The following BIRC6 variants were observed in gnomAD, a reference collection of about 807,000 sequenced individuals.
The protein encoded by BIRC6 is baculoviral IAP repeat containing 6, also known as dual E2 ubiquitin-conjugating enzyme/E3 ubiquitin-protein ligase BIRC6.
In BIRC6, 98 loss-of-function variants were observed where a neutral mutation model predicts 503.3. The observed-to-expected ratio is 0.19, with a 90% CI of 0.17 to 0.23. The LOEUF (loss-of-function observed/expected upper bound fraction) is 0.23. Among genes scored for constraint, BIRC6 ranks in the 10% least tolerant of loss-of-function variants. The pLI is 1.00. For missense variants in BIRC6, 5,360 were observed against 5,806.0 expected, an observed-to-expected ratio of 0.92 and a Z score of 2.50; for synonymous variants, 2,240 against 2,078.7, an observed-to-expected ratio of 1.08 and a Z score of -2.11.
intron 57 of BIRC6, 106 bp downstream of exon 57, chr2:32,519,052 A>T (rs751523672): frequency 9.0e-7 from 1 of 1,110,824 alleles, no homozygotes; most frequent in South Asian, 1.6e-5. Context: ...GCAACCATTG[A>T]TGACTAGGAA....
At chr2:32,463,924 T>C (rs1174737890) in intron 24 of BIRC6, among the ~76,000 whole-genome samples, 2 of 152,168 alleles carry the variant, frequency 1.3e-5, no homozygotes, top group Non-Finnish European at 1.5e-5. Context: ...GCAGGGGCAT[T>C]TGATTCTCAT....
At chr2:32,448,378 C>G (rs1031370372) in intron 21 of BIRC6, among the ~76,000 whole-genome samples, 54 of 146,712 alleles carry the variant, frequency 3.7e-4, no homozygotes, top group Non-Finnish European at 6.6e-4. Flanking sequence ...ACTGAGTGAA[C>G]GAGACTCCGT....
At chr2:32,372,356 T>C (rs771774266) in intron 1 of BIRC6, among the ~76,000 whole-genome samples, 4 of 152,166 alleles carry the variant, frequency 2.6e-5, no homozygotes, top group Non-Finnish European at 5.9e-5. Context: ...CTATGGAGTT[T>C]TGTGTTTTCT....
chr2:32,588,184 T>C (rs186412361), intron 66 of BIRC6, among the ~76,000 whole-genome samples: 4 of 152,230 alleles, frequency 2.6e-5, no homozygotes, highest in Non-Finnish European at 5.9e-5. Flanking sequence ...TGAAACCCCA[T>C]CTCTACTAAA....
chr2:32,529,393 T>G, intron 59 of BIRC6: 1 of 334,760 alleles, frequency 3.0e-6, no homozygotes, highest in Non-Finnish European at 5.4e-6. Context: ...CACATCAGAT[T>G]TATGGAAATG....
At chr2:32,568,603 G>A (rs1352221463) in intron 65 of BIRC6, among the ~76,000 whole-genome samples, 2 of 151,558 alleles carry the variant, frequency 1.3e-5, no homozygotes, top group East Asian at 1.9e-4. Flanking sequence ...TCAGCACTTC[G>A]AGAGTTCGAG....
intron 33 of BIRC6, among the ~76,000 whole-genome samples, chr2:32,474,452 T>G (rs573040286): frequency 6.6e-6 from 1 of 152,324 alleles, no homozygotes; most frequent in African/African-American, 2.4e-5. Flanking sequence ...ATATCATTAT[T>G]TGATTCTTCA....
In BIRC6 at chr2:32,487,718, C is replaced by CTTA; in HGVS notation, c.7890_7892dup (p.Ile2631dup). On this transcript the variant is annotated inframe_insertion, in exon 41 of 74. Transcript: ENST00000421745. ...ACAAGCAGCAAACCAAACCAGCCAGCTTATTATACAGTTATCATCTGTCCC... is the reference window on the plus strand; with the variant it reads ...ACAAGCAGCAAACCAAACCAGCCAGCTTATTATTATACAGTTATCATCTGTCCC... The CTTA allele has an allele frequency of 6.2e-7, 1 of 1,613,588 alleles. No homozygotes were observed. The highest frequency in any genetic ancestry group is 8.5e-7 in the Non-Finnish European group (1 of 1,179,610).
chr2:32,469,811 T>G (rs955735404), intron 30 of BIRC6, among the ~76,000 whole-genome samples, 197 bp downstream of exon 30: 1 of 152,220 alleles, frequency 6.6e-6, no homozygotes, highest in East Asian at 1.9e-4. Flanking sequence ...GAGTCTACTC[T>G]TTAGTTTTCT....
chr2:32,399,423 C>T (rs2040357079), intron 6 of BIRC6, among the ~76,000 whole-genome samples: 1 of 152,124 alleles, frequency 6.6e-6, no homozygotes, highest in Non-Finnish European at 1.5e-5. Context: ...GCTATATTGT[C>T]CAGGCTGAAG....
intron 66 of BIRC6, among the ~76,000 whole-genome samples, chr2:32,581,783 G>A (rs957097334): frequency 6.6e-6 from 1 of 152,202 alleles, no homozygotes; most frequent in Non-Finnish European, 1.5e-5. Flanking sequence ...CCATCAAAAG[G>A]AGGATTGTTT....
intron 37 of BIRC6, among the ~76,000 whole-genome samples, chr2:32,480,010 T>C (rs1035965873): frequency 2.0e-5 from 3 of 152,142 alleles, no homozygotes; most frequent in Admixed American, 2.0e-4. Flanking sequence ...CTTTATAAAT[T>C]AGCATGTATA....
At chr2:32,400,277 T>C in intron 6 of BIRC6, among the ~76,000 whole-genome samples, 1 of 152,064 alleles carries the variant, frequency 6.6e-6, no homozygotes, top group Middle Eastern at 3.4e-3. Context: ...ATAAGGTATA[T>C]TTCTGTGTTC....
chr2:32,463,093 A>G (rs1048633654), intron 23 of BIRC6, 101 bp from the exon 24 acceptor site: 20 of 849,688 alleles, frequency 2.4e-5, no homozygotes, highest in African/African-American at 8.8e-5. Flanking sequence ...CTATAGTTTT[A>G]GCATCATAAT....
At chr2:32,516,422 A>G (rs2055043492) in intron 55 of BIRC6, among the ~76,000 whole-genome samples, 1 of 151,634 alleles carries the variant, frequency 6.6e-6, no homozygotes, top group African/African-American at 2.4e-5. Flanking sequence ...AGGCTGAGGC[A>G]GGGGAATTGC....
At chr2:32,525,681 A>C in intron 59 of BIRC6, 53 bp downstream of exon 59, 1 of 1,536,602 alleles carries the variant, frequency 6.5e-7, no homozygotes, top group Non-Finnish European at 8.8e-7. Flanking sequence ...CCTTAAAACT[A>C]TGTAAATCAG....
chr2:32,570,665 A>C (rs2059853904), intron 65 of BIRC6, among the ~76,000 whole-genome samples: 1 of 149,820 alleles, frequency 6.7e-6, no homozygotes. Flanking sequence ...ACACCCGGCT[A>C]ATTTTTGTAT....
At chr2:32,467,008 A>T (rs376617030) in intron 26 of BIRC6, among the ~76,000 whole-genome samples, 1 of 152,004 alleles carries the variant, frequency 6.6e-6, no homozygotes, top group African/African-American at 2.4e-5. Flanking sequence ...AGTGCCAGCT[A>T]CTTGGGATGC....
Position 32,509,753 on chromosome 2 carries a change from G to C in BIRC6, c.9996G>C (p.Arg3332=), listed in dbSNP as rs780446872. Residue 3332 remains arginine (R), a synonymous_variant, in exon 52 of 74, where the codon CGG becomes CGC. Transcript: ENST00000421745. ...QVSKTSIGWL[R]LLHHCLTHIS... is the part of the protein sequence containing the mutation. ...GTATTTTCAGTATTGGATGGTTACG[G>C]TTATTACATCATTGCCTTACTCACA... 1.9e-6 allele frequency: 3 copies of C among 1,613,938 alleles called. No individual in the cohort carries two copies. The highest frequency in any genetic ancestry group is 2.2e-5 in the South Asian group (2 of 91,060).
Sources: allele counts gnomAD v4.1 joint callset (sites outside exome capture counted in the v4.1 genomes callset), GRCh38; gene constraint gnomAD v4.1.1; transcripts MANE v1.5; gene names NCBI Gene and HGNC (gene_info 2026-07-23, HGNC 2026-07-21).